FCHSD2: variants seen among roughly 807,000 people sequenced by gnomAD.
FCHSD2 encodes F-BAR and double SH3 domains protein 2.
Under a neutral mutation model 108.1 loss-of-function variants are expected in FCHSD2, and 38 were observed. The ratio of observed to expected loss-of-function variants is 0.35; its 90% CI spans 0.27 to 0.46. The LOEUF is 0.46. FCHSD2 is among the 20% of genes least tolerant of loss of function. The pLI, the probability that FCHSD2 is intolerant of heterozygous loss-of-function variation, is 1.00. For synonymous variants in FCHSD2, 279 were observed against 314.7 expected (o/e 0.89, Z 1.20); for missense variants, 751 against 897.8 (o/e 0.84, Z 2.09).
rs1041691726 is a variant in FCHSD2 at position 72,941,080 on chromosome 11, C to T, written c.706-19130G>A. Reference sequence around the variant, plus strand: ...TTCTTGCCGGGCAGCTTAGAGAAGGCGCAAAACTCTCCAGTTCCACTGTTA... The same window carrying T: ...TTCTTGCCGGGCAGCTTAGAGAAGGTGCAAAACTCTCCAGTTCCACTGTTA... On this transcript the variant is annotated intron_variant, in intron 8 of 19. Coordinates refer to ENST00000409418, the MANE Select transcript of FCHSD2 (RefSeq NM_014824.3). 38 of 590,436 alleles carry T rather than the reference C, an allele frequency of 6.4e-5. 1 individual carries two copies. In the East Asian group the frequency reaches 8.6e-4, roughly 13 times the overall value. The allele number at this position is 590,436 out of a possible 1,614,324, so 36.6% of individuals were successfully genotyped here.
At chr11:72,976,486 C>T (rs1214835822) in intron 8 of FCHSD2, among the ~76,000 whole-genome samples, 1 of 152,010 alleles carries the variant, frequency 6.6e-6, no homozygotes, top group Non-Finnish European at 1.5e-5. Context: ...CACTATGCTG[C>T]CCAGGCTGGT....
Position 72,984,162 on chromosome 11 carries a change from A to G in FCHSD2, c.631T>C (p.Tyr211His). 1 of 1,613,486 alleles carries G rather than the reference A, an allele frequency of 6.2e-7. No homozygotes were observed. The highest frequency in any genetic ancestry group is 2.2e-5 in the East Asian group (1 of 44,878). Reference sequence around the variant, plus strand: ...TTTGCTGCCGCTAGGGTAAGAAGATAATCATTCCTTGCGTGGGTAGCTTTG... The same window carrying G: ...TTTGCTGCCGCTAGGGTAAGAAGATGATCATTCCTTGCGTGGGTAGCTTTG... ...NSKATHARNDYLLTLAAANAH... is the reference protein window; with the variant it reads ...NSKATHARNDHLLTLAAANAH... The change falls in exon 8 of 20, where the codon TAT becomes CAT. Residue 211 changes from tyrosine to histidine, a missense_variant. Tyr to His is a moderately conservative substitution (Grantham distance 83, BLOSUM62 2). Transcript: ENST00000409418.
At chr11:72,948,735 G>A (rs1383402033) in intron 8 of FCHSD2, among the ~76,000 whole-genome samples, 1 of 150,268 alleles carries the variant, frequency 6.7e-6, no homozygotes, top group African/African-American at 2.5e-5. Context: ...GCACAATCTC[G>A]GCTCACTGCA....
chr11:72,859,515 G>A (rs1441274555), intron 13 of FCHSD2, among the ~76,000 whole-genome samples: 2 of 152,118 alleles, frequency 1.3e-5, no homozygotes, highest in Non-Finnish European at 2.9e-5. Context: ...ATCTCTTACT[G>A]TGCCTCATAT....
intron 14 of FCHSD2, among the ~76,000 whole-genome samples, chr11:72,849,324 C>A (rs1164989748): frequency 6.6e-6 from 1 of 152,184 alleles, no homozygotes; most frequent in Non-Finnish European, 1.5e-5. Context: ...CATACACAGA[C>A]AAAATTTCTG....
chr11:73,114,034 C>A (rs1860552777), intron 2 of FCHSD2, among the ~76,000 whole-genome samples: 1 of 152,116 alleles, frequency 6.6e-6, no homozygotes, highest in Non-Finnish European at 1.5e-5. Flanking sequence ...CAATTTCCCC[C>A]ATACCCCAGG....
At chr11:73,000,946 C>G in intron 5 of FCHSD2, 44 bp downstream of exon 5, 2 of 1,511,224 alleles carry the variant, frequency 1.3e-6, no homozygotes, top group Non-Finnish European at 1.8e-6. Flanking sequence ...AAATGTAGCA[C>G]TGGGATATTA....
At chr11:72,884,444 T>C (rs1459182032) in intron 12 of FCHSD2, among the ~76,000 whole-genome samples, 3 of 150,956 alleles carry the variant, frequency 2.0e-5, no homozygotes, top group East Asian at 3.9e-4. Flanking sequence ...GGCCCAGAGG[T>C]AATATAAATT....
intron 13 of FCHSD2, among the ~76,000 whole-genome samples, chr11:72,855,648 A>AT (rs1222762309): frequency 6.6e-6 from 1 of 152,236 alleles, no homozygotes; most frequent in African/African-American, 2.4e-5. Context: ...AAGGAGAATA[A>AT]TTTTTTAACC....
chr11:73,093,198 G>A (rs918471018), intron 2 of FCHSD2, among the ~76,000 whole-genome samples: 6 of 152,202 alleles, frequency 3.9e-5, no homozygotes, highest in African/African-American at 1.4e-4. Flanking sequence ...GTTCCACAGA[G>A]GACAATGGGA....
intron 3 of FCHSD2, among the ~76,000 whole-genome samples, chr11:73,054,879 G>A (rs148154083): frequency 1.5e-4 from 23 of 152,286 alleles, no homozygotes; most frequent in African/African-American, 5.1e-4. Context: ...AGAGGTGGGA[G>A]GACTGCTTGA....
chr11:72,953,526 A>C (rs192727732), intron 8 of FCHSD2, among the ~76,000 whole-genome samples: 3 of 152,264 alleles, frequency 2.0e-5, no homozygotes, highest in Admixed American at 2.0e-4. Context: ...AACCACATGA[A>C]TTTATTGAAC....
chr11:73,075,063 C>G (rs1859518553), intron 3 of FCHSD2, among the ~76,000 whole-genome samples: 1 of 152,160 alleles, frequency 6.6e-6, no homozygotes. Context: ...TCCTCTAATT[C>G]ATTAATCATC....
In FCHSD2 at chr11:72,870,819, G is replaced by GAAC. The variant is rs1295140388; in HGVS notation, c.1147-2796_1147-2794dup. Among the ~76,000 whole-genome samples the GAAC allele has an allele frequency of 3.0e-5, 4 of 132,750 alleles. No homozygotes were observed. In the East Asian group the frequency reaches 9.7e-4, roughly 32 times the overall value. The allele number at this position is 132,750 out of a possible 152,430, so 87.1% of individuals were successfully genotyped here. On this transcript the variant is annotated intron_variant, in intron 12 of 19. Coordinates refer to ENST00000409418, the MANE Select transcript of FCHSD2 (RefSeq NM_014824.3). ...GGAGGCTGAGGCAGGAGAATGGCGT[G>GAAC]AACCCAGGAGGCGGAGCTTTCAGTG... is the stretch of plus-strand genomic sequence containing the variant.
intron 8 of FCHSD2, among the ~76,000 whole-genome samples, chr11:72,955,910 T>C (rs1352886956): frequency 6.6e-6 from 1 of 152,202 alleles, no homozygotes; most frequent in Non-Finnish European, 1.5e-5. Flanking sequence ...TTCTGCCCAC[T>C]ACGGACTCAA....
intron 8 of FCHSD2, among the ~76,000 whole-genome samples, chr11:72,960,627 C>T (rs1260179850): frequency 6.6e-6 from 1 of 152,134 alleles, no homozygotes; most frequent in Non-Finnish European, 1.5e-5. Flanking sequence ...TAAACTGAAA[C>T]CTATTTGCCA....
intron 2 of FCHSD2, among the ~76,000 whole-genome samples, chr11:73,138,598 A>G (rs1207539740): frequency 1.4e-5 from 2 of 146,980 alleles, no homozygotes; most frequent in Non-Finnish European, 3.0e-5. Flanking sequence ...GATATCTTGC[A>G]CAGGAATTTT....
rs570237505 is a variant in FCHSD2 at position 72,976,798 on chromosome 11, G to A, written c.705+7290C>T. 2.0e-5 allele frequency among the ~76,000 whole-genome samples: 3 copies of A among 152,208 alleles called. No homozygotes were observed. In the East Asian group the frequency reaches 5.8e-4, roughly 29 times the overall value. On this transcript the variant is annotated intron_variant, in intron 8 of 19. Coordinates refer to ENST00000409418, the MANE Select transcript of FCHSD2 (RefSeq NM_014824.3). ...AACAATGGTGCTAAGAACATACACT[G>A]GGGGAAAAGTGCTGGGAAAACTGGA... is the stretch of plus-strand genomic sequence containing the variant.
chr11:73,099,191 A>G (rs1860158540), intron 2 of FCHSD2, among the ~76,000 whole-genome samples: 2 of 152,180 alleles, frequency 1.3e-5, no homozygotes, highest in South Asian at 4.1e-4. Context: ...CTCCAGCCTC[A>G]GCAATGGAGC....
Sources: allele counts gnomAD v4.1 joint callset (sites outside exome capture counted in the v4.1 genomes callset), GRCh38; gene constraint gnomAD v4.1.1; transcripts MANE v1.5; gene names NCBI Gene and HGNC (gene_info 2026-07-23, HGNC 2026-07-21).